The following PDGFC variants were observed in gnomAD, a reference collection of about 807,000 sequenced individuals.
PDGFC encodes platelet-derived growth factor C.
A neutral mutation model predicts 35.5 loss-of-function variants in PDGFC; 12 were observed. That is an observed-to-expected ratio of 0.34 (90% CI 0.22 to 0.55). The LOEUF is 0.55. Ranked by LOEUF, PDGFC falls within the 20% of genes least tolerant of loss-of-function variation. The probability of loss-of-function intolerance (pLI) is 0.91; values close to 1 mark genes in which losing one functional copy is unlikely to be tolerated. For synonymous variants in PDGFC, 159 were observed against 148.8 expected, an observed-to-expected ratio of 1.07 and a Z score of -0.50; for missense variants, 322 against 412.4, an observed-to-expected ratio of 0.78 and a Z score of 1.90.
At chr4:156,844,125 A>G (rs1729269011) in intron 2 of PDGFC, among the ~76,000 whole-genome samples, 2 of 152,154 alleles carry the variant, frequency 1.3e-5, no homozygotes, top group South Asian at 2.1e-4. Flanking sequence ...AAATCTGTCA[A>G]TGTAAAATTT....
chr4:156,894,732 TAA>T, intron 1 of PDGFC, among the ~76,000 whole-genome samples: 1 of 152,188 alleles, frequency 6.6e-6, no homozygotes, highest in Admixed American at 6.5e-5. Flanking sequence ...ACTCTATAGT[TAA>T]AAAGTCAGAA....
chr4:156,879,092 T>C (rs1730183015), intron 1 of PDGFC, among the ~76,000 whole-genome samples: 1 of 152,156 alleles, frequency 6.6e-6, no homozygotes, highest in Non-Finnish European at 1.5e-5. Context: ...ATGAGGTGTT[T>C]TGTACATAGC....
Position 156,767,919 on chromosome 4 carries a change from T to C in PDGFC, c.775A>G (p.Ile259Val), listed in dbSNP as rs1297244331. 4.3e-6 allele frequency: 7 copies of C among 1,613,076 alleles called. No individual in the cohort carries two copies. Among genetic ancestry groups the C allele is most frequent in the African/African-American group, 2.7e-5 (2 of 74,868 alleles). The change falls in exon 5 of 6, where the codon ATA becomes GTA. Residue 259 changes from isoleucine (I) to valine (V), a missense_variant. Physicochemically the swap from Ile to Val is conservative, Grantham distance 29 (BLOSUM62 3). This residue lies in a region of PDGFC where 202 missense variants were observed against 295.9 expected (regional missense o/e 0.68). Coordinates refer to ENST00000502773, the MANE Select transcript of PDGFC (RefSeq NM_016205.3). ...TCGGTTCTCTTTAGTTCTTCCCTTA[T>C]GGACACTGAGAAGTTACGAGGTGTG... ...SCTPRNFSVSIREELKRTDTI... is the reference protein window; with the variant it reads ...SCTPRNFSVSVREELKRTDTI...
rs1395031838 is a variant in PDGFC at position 156,810,867 on chromosome 4, C to A, written c.465G>T (p.Gly155=). The A allele has an allele frequency of 6.2e-7, 1 of 1,607,706 alleles. No individual in the cohort carries two copies. Among genetic ancestry groups the A allele is most frequent in the Admixed American group, 1.7e-5 (1 of 59,598 alleles). ...VSDEYFPSEP[G]FCIHYNIVMP... is the part of the protein sequence containing the mutation. ...TGACAATGTTGTAGTGGATGCAGAA[C>A]CCTGGTTCAGAAGGAAAATATTCAT... Residue 155 remains glycine, a synonymous_variant, in exon 3 of 6, where the codon GGG becomes GGT. Coordinates refer to ENST00000502773, the MANE Select transcript of PDGFC (RefSeq NM_016205.3).
intron 3 of PDGFC, among the ~76,000 whole-genome samples, chr4:156,804,551 C>T (rs1470478589): frequency 2.0e-5 from 3 of 151,902 alleles, no homozygotes; most frequent in African/African-American, 4.8e-5. Flanking sequence ...TTCTCAAAAT[C>T]TTTCCAAACC....
At chr4:156,779,089 T>A in intron 3 of PDGFC, 1 of 455,856 alleles carries the variant, frequency 2.2e-6, no homozygotes. Context: ...AGGTCTTACT[T>A]TTAAAGAGCC....
intron 2 of PDGFC, among the ~76,000 whole-genome samples, chr4:156,817,152 T>TA (rs749359500): frequency 3.2e-4 from 49 of 150,786 alleles, no homozygotes; most frequent in African/African-American, 9.7e-4. Context: ...ATGTTATTAC[T>TA]AAAAAAAAAC....
rs142470811 is a variant in PDGFC, at chr4:156,838,539, G to A, written c.314+11682C>T. On this transcript the variant is annotated intron_variant, in intron 2 of 5. Transcript: ENST00000502773. ...TATCTTATGAGGACAGCCTGATAGA[G>A]AATGAAGTCAACTAGTAGAATGCAA... 4.5e-3 allele frequency among the ~76,000 whole-genome samples: 686 copies of A among 152,252 alleles called. 3 individuals are homozygous for A. The highest frequency in any genetic ancestry group is 6.0e-3 in the Non-Finnish European group (406 of 68,008).
At chr4:156,896,530 ACATACC>A (rs1250244668) in intron 1 of PDGFC, among the ~76,000 whole-genome samples, 2 of 152,212 alleles carry the variant, frequency 1.3e-5, no homozygotes, top group Non-Finnish European at 2.9e-5. Flanking sequence ...ATGACTTTCA[ACATACC>A]CAGAACACCT....
chr4:156,929,568 C>T lies in PDGFC; in HGVS notation c.118+41218G>A, dbSNP rs570237113. Among the ~76,000 whole-genome samples the T allele has an allele frequency of 1.2e-4, 18 of 152,154 alleles. No individual in the cohort carries two copies. The South Asian group carries it at 3.7e-3, about 32-fold the overall frequency. ...CACATGAAATCTCTCTTCTTACAGC[C>T]TTCCGGAATATACCAAAACACAAAA... is the stretch of plus-strand genomic sequence containing the variant. On this transcript the variant is annotated intron_variant, in intron 1 of 5. Transcript: ENST00000502773.
At chr4:156,850,510 A>C in intron 1 of PDGFC, 94 bp from the exon 2 acceptor site, 1 of 607,036 alleles carries the variant, frequency 1.6e-6, no homozygotes, top group Non-Finnish European at 2.8e-6. Flanking sequence ...TACCTCAGAC[A>C]AGTGCTGAGT....
chr4:156,807,503 G>T (rs546403451), intron 3 of PDGFC, among the ~76,000 whole-genome samples: 9 of 152,014 alleles, frequency 5.9e-5, no homozygotes, highest in African/African-American at 1.9e-4. Context: ...AAATGAACAA[G>T]TCATCTCTTA....
intron 1 of PDGFC, among the ~76,000 whole-genome samples, chr4:156,947,767 A>G (rs1731981239): frequency 6.6e-6 from 1 of 151,956 alleles, no homozygotes; most frequent in Non-Finnish European, 1.5e-5. Flanking sequence ...AAACTAAATA[A>G]TATTTCCTAG....
chr4:156,790,137 T>A (rs1167428134), intron 3 of PDGFC, among the ~76,000 whole-genome samples: 2 of 152,190 alleles, frequency 1.3e-5, no homozygotes, highest in African/African-American at 4.8e-5. Flanking sequence ...TTCTCTGTAT[T>A]TTAGTGTATG....
intron 1 of PDGFC, among the ~76,000 whole-genome samples, chr4:156,858,385 A>G (rs147133114): frequency 6.6e-6 from 1 of 152,274 alleles, no homozygotes; most frequent in East Asian, 1.9e-4. Context: ...AATAGGATAA[A>G]TGGCCAAGTA....
intron 1 of PDGFC, among the ~76,000 whole-genome samples, chr4:156,921,522 A>G (rs1180149795): frequency 6.6e-6 from 1 of 151,934 alleles, no homozygotes; most frequent in Non-Finnish European, 1.5e-5. Flanking sequence ...AAGAAAAAAA[A>G]GAAAATTAGA....
At chr4:156,943,629 T>C (rs1003783471) in intron 1 of PDGFC, among the ~76,000 whole-genome samples, 1 of 152,052 alleles carries the variant, frequency 6.6e-6, no homozygotes, top group African/African-American at 2.4e-5. Flanking sequence ...CTCGACCCAA[T>C]TTGTTTTCAG....
At chr4:156,964,866 T>A (rs1732428705) in intron 1 of PDGFC, among the ~76,000 whole-genome samples, 1 of 152,176 alleles carries the variant, frequency 6.6e-6, no homozygotes, top group Non-Finnish European at 1.5e-5. Flanking sequence ...AGTTCTAGCC[T>A]GTGCAAGTTA....
intron 1 of PDGFC, among the ~76,000 whole-genome samples, chr4:156,908,161 A>G (rs1312426957): frequency 1.3e-5 from 2 of 152,128 alleles, no homozygotes; most frequent in African/African-American, 4.8e-5. Flanking sequence ...GTGAGACTCC[A>G]TTCCAAAAAA....
Sources: gnomAD v4.1 joint callset for allele counts (sites outside exome capture counted in the v4.1 genomes callset) on GRCh38, gnomAD v4.1.1 for gene constraint, gnomAD v4.1.1 regional missense constraint, MANE v1.5 for transcripts, NCBI Gene and HGNC (gene_info 2026-07-23, HGNC 2026-07-21) for gene names.